PDE3A: variants seen among roughly 807,000 people sequenced by gnomAD.
The protein encoded by PDE3A is phosphodiesterase 3A.
Under a neutral mutation model 98.3 loss-of-function variants are expected in PDE3A, and 43 were observed. The observed-to-expected ratio is 0.44, with a 90% CI of 0.34 to 0.56. PDE3A has a LOEUF of 0.56. Among genes scored for constraint, PDE3A ranks in the 20% least tolerant of loss-of-function variants. The probability of loss-of-function intolerance (pLI) is 0.01; values close to 1 mark genes in which losing one functional copy is unlikely to be tolerated. For synonymous variants in PDE3A, 663 were observed against 567.9 expected, an observed-to-expected ratio of 1.17 and a Z score of -2.38; for missense variants, 1,427 against 1,440.7, an observed-to-expected ratio of 0.99 and a Z score of 0.15.
chr12:20,540,819 A>G (rs1941878393), intron 1 of PDE3A, among the ~76,000 whole-genome samples: 1 of 152,056 alleles, frequency 6.6e-6, no homozygotes, highest in Non-Finnish European at 1.5e-5. Flanking sequence ...TTTGTTTGCC[A>G]TGTCACATTC....
At position 20,551,841 on chromosome 12, in the gene PDE3A, G is replaced by C. The variant is rs576756979; in HGVS notation, c.961-4819G>C. On this transcript the variant is annotated intron_variant, in intron 1 of 15. Coordinates refer to ENST00000359062, the MANE Select transcript of PDE3A (RefSeq NM_000921.5). ...ACTGGGACAAGGGCATGGCCTGTGT[G>C]GGCCGCACCAAGGAATGTACCATCA... 5.6e-6 allele frequency: 9 copies of C among 1,613,932 alleles called. No homozygotes were observed. The East Asian group carries it at 1.8e-4, about 32-fold the overall frequency.
intron 2 of PDE3A, among the ~76,000 whole-genome samples, chr12:20,599,752 C>T (rs979297594): frequency 3.3e-5 from 5 of 152,150 alleles, no homozygotes; most frequent in African/African-American, 1.2e-4. Flanking sequence ...TGTTTTCCCT[C>T]TGGATACTGA....
chr12:20,497,958 A>T (rs540080571), intron 1 of PDE3A, among the ~76,000 whole-genome samples: 1 of 152,286 alleles, frequency 6.6e-6, no homozygotes, highest in South Asian at 2.1e-4. Context: ...GTAAGTCAAT[A>T]TATCTTTTGC....
chr12:20,550,480 A>T (rs151181799), intron 1 of PDE3A, among the ~76,000 whole-genome samples: 1 of 152,260 alleles, frequency 6.6e-6, no homozygotes, highest in East Asian at 1.9e-4. Flanking sequence ...TACTTATTTC[A>T]TTAGTTAATT....
intron 2 of PDE3A, among the ~76,000 whole-genome samples, chr12:20,586,700 CT>C (rs1450419826): frequency 6.6e-6 from 1 of 152,106 alleles, no homozygotes; most frequent in African/African-American, 2.4e-5. Context: ...GAATGTTTAA[CT>C]TTTTTTAAAC....
chr12:20,533,732 C>CCCCCCG (rs769621979), intron 1 of PDE3A, among the ~76,000 whole-genome samples: 1 of 150,468 alleles, frequency 6.6e-6, no homozygotes. Context: ...CGCCCCGCCC[C>CCCCCCG]CCTTTGGACT....
intron 1 of PDE3A, among the ~76,000 whole-genome samples, chr12:20,418,018 T>C (rs1158382482): frequency 6.6e-6 from 1 of 152,010 alleles, no homozygotes; most frequent in African/African-American, 2.4e-5. Context: ...CTGAAGTCCA[T>C]TCTCCATATC....
chr12:20,458,712 T>C (rs569727861), intron 1 of PDE3A, among the ~76,000 whole-genome samples: 1 of 152,268 alleles, frequency 6.6e-6, no homozygotes, highest in South Asian at 2.1e-4. Flanking sequence ...GTCTGGTAGA[T>C]AGGAAGACAA....
chr12:20,465,740 G>A (rs888205869), intron 1 of PDE3A, among the ~76,000 whole-genome samples: 1 of 152,132 alleles, frequency 6.6e-6, no homozygotes, highest in Non-Finnish European at 1.5e-5. Flanking sequence ...TAAAATGGTA[G>A]CATGTCCTAA....
intron 1 of PDE3A, among the ~76,000 whole-genome samples, chr12:20,413,026 T>C (rs1444644): frequency 0.62 from 93,960 of 152,112 alleles, 30,797 homozygotes; most frequent in East Asian, 0.88. Context: ...AGTTACATAC[T>C]GTGCTAGGAA....
chr12:20,571,525 C>T (rs1258605501), intron 2 of PDE3A, among the ~76,000 whole-genome samples: 6 of 152,094 alleles, frequency 3.9e-5, no homozygotes, highest in African/African-American at 1.4e-4. Context: ...AAAGCCTAAA[C>T]TTGAATCCTA....
intron 15 of PDE3A, among the ~76,000 whole-genome samples, chr12:20,672,479 T>C (rs1229552585): frequency 2.0e-5 from 3 of 151,582 alleles, no homozygotes; most frequent in Non-Finnish European, 2.9e-5. Context: ...CAAAACAGCA[T>C]GGTACTGGTA....
At chr12:20,392,534 CATAA>C (rs1045970737) in intron 1 of PDE3A, among the ~76,000 whole-genome samples, 269 of 25,254 alleles carry the variant, frequency 0.011, 2 homozygotes, top group Non-Finnish European at 0.027. Flanking sequence ...TAAATAAATA[CATAA>C]ATAAATAAAT....
chr12:20,578,474 TACAC>T (rs5796870), intron 2 of PDE3A, among the ~76,000 whole-genome samples: 53,013 of 148,356 alleles, frequency 0.36, 10,479 homozygotes, highest in Non-Finnish European at 0.44. Context: ...ATACAACTAA[TACAC>T]ACACACACAC....
chr12:20,628,543 T>G (rs550078301), intron 5 of PDE3A, among the ~76,000 whole-genome samples: 1 of 152,296 alleles, frequency 6.6e-6, no homozygotes, highest in South Asian at 2.1e-4. Flanking sequence ...TCCCATGTAC[T>G]AGTACTGTGA....
intron 1 of PDE3A, among the ~76,000 whole-genome samples, chr12:20,542,531 G>T (rs1941945382): frequency 6.6e-6 from 1 of 151,430 alleles, no homozygotes; most frequent in Non-Finnish European, 1.5e-5. Context: ...AAACCATTTG[G>T]ATATCAAAGC....
intron 2 of PDE3A, chr12:20,557,062 GT>G: frequency 4.3e-6 from 1 of 234,074 alleles, no homozygotes; most frequent in East Asian, 1.3e-4. Flanking sequence ...TCAGCTTCCT[GT>G]TTTTGGTTAA....
At position 20,369,162 on chromosome 12, in the gene PDE3A, GA is replaced by G; in HGVS notation, c.-122del. The G allele has an allele frequency of 1.6e-6, 1 of 638,030 alleles. No homozygotes were observed. Among genetic ancestry groups the G allele is most frequent in the South Asian group, 2.3e-5 (1 of 42,658 alleles). The allele number at this position is 638,030 out of a possible 1,614,324, so 39.5% of individuals were successfully genotyped here. A position where few individuals can be genotyped will look rare whatever the true frequency, so the allele number is the denominator to read the frequency against. On this transcript the variant is annotated 5_prime_UTR_variant, in exon 1 of 16. Coordinates refer to ENST00000359062, the MANE Select transcript of PDE3A (RefSeq NM_000921.5). ...TGGGCCTGGGGAGAAGAAGGATTCC[GA>G]GGGTGGAATTGGGAAGAGCGTGCGT... is the stretch of plus-strand genomic sequence containing the variant.
At chr12:20,561,239 AAG>A (rs1337490156) in intron 2 of PDE3A, among the ~76,000 whole-genome samples, 1 of 151,982 alleles carries the variant, frequency 6.6e-6, no homozygotes, top group Non-Finnish European at 1.5e-5. Flanking sequence ...GCCTGGGAGA[AAG>A]AGCGAGGCTC....
Sources: allele counts gnomAD v4.1 joint callset (sites outside exome capture counted in the v4.1 genomes callset), GRCh38; gene constraint gnomAD v4.1.1; transcripts MANE v1.5; gene names NCBI Gene and HGNC (gene_info 2026-07-23, HGNC 2026-07-21).